The following PARD3 variants were observed in gnomAD, a reference collection of about 807,000 sequenced individuals.
PARD3 encodes the protein partitioning defective 3 homolog.
A neutral mutation model predicts 155.4 loss-of-function variants in PARD3; 75 were observed. That is an observed-to-expected ratio of 0.48 (90% CI 0.40 to 0.58). The LOEUF is 0.58. Ranked by LOEUF, PARD3 falls within the 20% of genes least tolerant of loss-of-function variation. PARD3 has a pLI of 0.00. For synonymous variants in PARD3, 576 were observed against 610.5 expected (o/e 0.94, Z 0.83); for missense variants, 1,642 against 1,721.7 (o/e 0.95, Z 0.82).
intron 2 of PARD3, among the ~76,000 whole-genome samples, chr10:34,580,709 G>C (rs1298246533): frequency 6.6e-6 from 1 of 152,156 alleles, no homozygotes; most frequent in Non-Finnish European, 1.5e-5. Flanking sequence ...TTTTAAGCTT[G>C]AAACTGTGAT....
intron 2 of PARD3, among the ~76,000 whole-genome samples, chr10:34,665,900 C>A (rs1301730509): frequency 2.5e-4 from 34 of 138,338 alleles, no homozygotes; most frequent in East Asian, 1.2e-3. Context: ...CAGAACAGAA[C>A]AGAACAAAAA....
chr10:34,783,304 T>C (rs902672801), intron 1 of PARD3, among the ~76,000 whole-genome samples: 18 of 152,196 alleles, frequency 1.2e-4, no homozygotes, highest in African/African-American at 4.3e-4. Context: ...ATTTTAATCA[T>C]TTAAGGATAT....
chr10:34,135,156 C>A (rs1347061692), intron 22 of PARD3, among the ~76,000 whole-genome samples: 1 of 130,754 alleles, frequency 7.6e-6, no homozygotes, highest in Non-Finnish European at 1.7e-5. Context: ...TACAGATAGT[C>A]CACATGAGTG....
intron 19 of PARD3, among the ~76,000 whole-genome samples, chr10:34,318,236 C>G (rs186988988): frequency 6.6e-6 from 1 of 152,280 alleles, no homozygotes; most frequent in Non-Finnish European, 1.5e-5. Context: ...AAACATTTCT[C>G]TATTAAATAA....
At chr10:34,691,444 T>C (rs1242092753) in intron 2 of PARD3, among the ~76,000 whole-genome samples, 1 of 152,072 alleles carries the variant, frequency 6.6e-6, no homozygotes, top group East Asian at 1.9e-4. Context: ...AAACCAGATA[T>C]GATATAAACA....
chr10:34,553,759 G>C (rs529083403), intron 2 of PARD3, among the ~76,000 whole-genome samples: 3 of 152,292 alleles, frequency 2.0e-5, no homozygotes, highest in Non-Finnish European at 1.5e-5. Context: ...GATCAAATTA[G>C]CTCAACACAT....
chr10:34,589,467 G>A (rs114959954), intron 2 of PARD3, among the ~76,000 whole-genome samples: 2 of 151,838 alleles, frequency 1.3e-5, no homozygotes, highest in African/African-American at 2.4e-5. Flanking sequence ...GGACACAGAC[G>A]CACACAGCAG....
chr10:34,667,171 A>T (rs1452379685), intron 2 of PARD3, among the ~76,000 whole-genome samples: 4 of 152,200 alleles, frequency 2.6e-5, no homozygotes, highest in Non-Finnish European at 4.4e-5. Flanking sequence ...AGTGTATAAC[A>T]AGATTATTGA....
intron 14 of PARD3, among the ~76,000 whole-genome samples, chr10:34,354,744 C>T (rs1030033662): frequency 4.6e-5 from 7 of 152,118 alleles, no homozygotes; most frequent in African/African-American, 1.4e-4. Context: ...GTGGCTAGAG[C>T]AGAGGTGCTG....
rs115592531 is a variant in PARD3 at position 34,799,574 on chromosome 10, C to A, written c.120+15302G>T. The stretch of plus-strand genomic sequence containing the variant: ...CAAGCAAACCCAAGTCAGGAAAAAA[C>A]CCTGTTCTTCTCCCGCGGGATCACT... On this transcript the variant is annotated intron_variant, in intron 1 of 24. Transcript: ENST00000374788. 2.1e-3 allele frequency among the ~76,000 whole-genome samples: 325 copies of A among 152,274 alleles called. 2 individuals are homozygous for A. The highest frequency in any genetic ancestry group is 7.4e-3 in the African/African-American group (309 of 41,558).
intron 20 of PARD3, among the ~76,000 whole-genome samples, chr10:34,288,761 A>C (rs982307465): frequency 2.0e-5 from 3 of 152,196 alleles, no homozygotes; most frequent in African/African-American, 4.8e-5. Context: ...AGCTGAAGAA[A>C]TACTGTGTTA....
At chr10:34,763,809 T>G (rs867061945) in intron 1 of PARD3, among the ~76,000 whole-genome samples, 59 of 152,330 alleles carry the variant, frequency 3.9e-4, no homozygotes, top group African/African-American at 1.3e-3. Context: ...TTATGTGATT[T>G]TCTGCCACCA....
chr10:34,333,859 A>G (rs150551990), intron 18 of PARD3, among the ~76,000 whole-genome samples: 35 of 152,164 alleles, frequency 2.3e-4, no homozygotes, highest in African/African-American at 7.9e-4. Flanking sequence ...CCAAGAAACT[A>G]TAACAAAGGT....
At chr10:34,658,721 C>G (rs2093248578) in intron 2 of PARD3, among the ~76,000 whole-genome samples, 1 of 152,158 alleles carries the variant, frequency 6.6e-6, no homozygotes, top group South Asian at 2.1e-4. Flanking sequence ...CTCCTGCCTG[C>G]CAGGCTCCAG....
At chr10:34,491,906 G>C (rs959412376) in intron 3 of PARD3, among the ~76,000 whole-genome samples, 1 of 151,842 alleles carries the variant, frequency 6.6e-6, no homozygotes. Context: ...ACCACTGGGG[G>C]GAAAAAAAAT....
chr10:34,763,994 G>A (rs1837781786), intron 1 of PARD3, among the ~76,000 whole-genome samples: 1 of 152,124 alleles, frequency 6.6e-6, no homozygotes, highest in Non-Finnish European at 1.5e-5. Context: ...AATAGGCACT[G>A]GTTCCCAAGC....
At chr10:34,527,846 T>G (rs2082583575) in intron 2 of PARD3, among the ~76,000 whole-genome samples, 1 of 152,224 alleles carries the variant, frequency 6.6e-6, no homozygotes, top group Non-Finnish European at 1.5e-5. Flanking sequence ...AAAAACTTCA[T>G]TTTCTGACTC....
chr10:34,760,292 G>A (rs963127465), intron 1 of PARD3, among the ~76,000 whole-genome samples: 4 of 152,034 alleles, frequency 2.6e-5, no homozygotes, highest in Non-Finnish European at 5.9e-5. Context: ...AAAGTGCTGC[G>A]ATTACAGACA....
chr10:34,600,393 T>C (rs992366466), intron 2 of PARD3, among the ~76,000 whole-genome samples: 2 of 151,062 alleles, frequency 1.3e-5, no homozygotes, highest in Non-Finnish European at 3.0e-5. Context: ...GTATAAAGAT[T>C]GGAAAGGAAG....
Sources: gnomAD v4.1 joint callset for allele counts (sites outside exome capture counted in the v4.1 genomes callset) on GRCh38, gnomAD v4.1.1 for gene constraint, MANE v1.5 for transcripts, NCBI Gene and HGNC (gene_info 2026-07-23, HGNC 2026-07-21) for gene names.